DBT: variants seen among roughly 807,000 people sequenced by gnomAD.
DBT encodes the protein dihydrolipoamide branched chain transacylase E2, also known as lipoamide acyltransferase component of branched-chain alpha-keto acid dehydrogenase complex, mitochondrial.
Under a neutral mutation model 51.3 loss-of-function variants are expected in DBT, and 40 were observed. The observed-to-expected ratio is 0.78, with a 90% CI of 0.61 to 1.02. The LOEUF (loss-of-function observed/expected upper bound fraction) is 1.02. DBT is among the 50% of genes least tolerant of loss of function. The probability of loss-of-function intolerance (pLI) is 0.00; values close to 1 mark genes in which losing one functional copy is unlikely to be tolerated. For synonymous variants in DBT, 181 were observed against 190.4 expected, an observed-to-expected ratio of 0.95 and a Z score of 0.41; for missense variants, 510 against 580.2, an observed-to-expected ratio of 0.88 and a Z score of 1.24.
chr1:100,202,710 G>A (rs1661528295), intron 10 of DBT, among the ~76,000 whole-genome samples: 2 of 152,016 alleles, frequency 1.3e-5, no homozygotes, highest in Non-Finnish European at 2.9e-5. Flanking sequence ...GCAAAAGAAT[G>A]GAAACAATAA....
At chr1:100,210,665 TAAG>T (rs1662081345) in intron 8 of DBT, 26 bp downstream of exon 8, 1 of 1,612,506 alleles carries the variant, frequency 6.2e-7, no homozygotes, top group Non-Finnish European at 8.5e-7. Flanking sequence ...CTATTAATAA[TAAG>T]AACATTTTTA....
intron 10 of DBT, among the ~76,000 whole-genome samples, chr1:100,200,293 A>G (rs529842369): frequency 6.6e-6 from 1 of 151,334 alleles, no homozygotes. Context: ...GCCACAGGGA[A>G]GTTCGAACTG....
At chr1:100,197,011 AT>A in intron 10 of DBT, 1 of 212,016 alleles carries the variant, frequency 4.7e-6, no homozygotes, top group South Asian at 8.9e-5. Flanking sequence ...TTAGCTCCTG[AT>A]TACAATGCTT....
intron 7 of DBT, among the ~76,000 whole-genome samples, chr1:100,211,487 C>G (rs915608533): frequency 6.6e-6 from 1 of 152,096 alleles, no homozygotes. Context: ...TAAAAGATAG[C>G]AAAATAAAAA....
chr1:100,208,021 C>G lies in DBT; in HGVS notation c.1018-1385G>C, dbSNP rs116018698. On this transcript the variant is annotated intron_variant, in intron 8 of 10. Coordinates refer to ENST00000370132, the MANE Select transcript of DBT (RefSeq NM_001918.5). ...GTAGTGGCAGCCTCCTGCAGTACCA[C>G]CTACTCAGGAGGCTGAAGCAGGAGA... Among the ~76,000 whole-genome samples the G allele has an allele frequency of 9.3e-3, 1,417 of 152,040 alleles. 24 individuals are homozygous for G. The highest frequency in any genetic ancestry group is 0.033 in the African/African-American group (1,365 of 41,476).
chr1:100,194,303 G>A lies in DBT; in HGVS notation c.*1952C>T, dbSNP rs559241547. On this transcript the variant is annotated 3_prime_UTR_variant, in exon 11 of 11. Coordinates refer to ENST00000370132, the MANE Select transcript of DBT (RefSeq NM_001918.5). ...TTGTCTCAGCTTCCTGAGTAGCTGG[G>A]ACTATAGGTGCACACCACCACACTT... The A allele has an allele frequency of 2.0e-5, 3 of 151,396 alleles. No individual in the cohort carries two copies. In the East Asian group the frequency reaches 5.8e-4, roughly 29 times the overall value. The allele number at this position is 151,396 out of a possible 1,614,324, so 9.4% of individuals were successfully genotyped here. A position where few individuals can be genotyped will look rare whatever the true frequency, so the allele number is the denominator to read the frequency against.
chr1:100,203,474 A>C (rs964058923), intron 10 of DBT, among the ~76,000 whole-genome samples: 2 of 152,206 alleles, frequency 1.3e-5, no homozygotes, highest in Non-Finnish European at 2.9e-5. Flanking sequence ...TACCAACCAA[A>C]CAAAGCCCAG....
At position 100,230,829 on chromosome 1, in the gene DBT, G is replaced by T; in HGVS notation, c.337C>A (p.Arg113Ser). ...SDKASVTITS[R>S]YDGVIKKLYY... ...AGTTTTTTAATGACTCCATCATAAC[G>T]ACTAGTGATGGTAACAGAAGCTTTA... The change falls in exon 4 of 11, where the codon CGT (arginine) becomes AGT (serine). Residue 113 changes from arginine to serine, a missense_variant. Coordinates refer to ENST00000370132, the MANE Select transcript of DBT (RefSeq NM_001918.5). The T allele has an allele frequency of 6.3e-7, 1 of 1,596,946 alleles. No homozygotes were observed. The highest frequency in any genetic ancestry group is 8.6e-7 in the Non-Finnish European group (1 of 1,164,648).
chr1:100,226,189 T>C (rs948018869), intron 4 of DBT, among the ~76,000 whole-genome samples: 1 of 152,134 alleles, frequency 6.6e-6, no homozygotes, highest in African/African-American at 2.4e-5. Flanking sequence ...CTCTTTCCTT[T>C]CTAAATCTGA....
Position 100,194,932 on chromosome 1 carries a change from C to T in DBT, c.*1323G>A, listed in dbSNP as rs908582625. 1.3e-5 allele frequency: 2 copies of T among 152,054 alleles called. No individual in the cohort carries two copies. The highest frequency in any genetic ancestry group is 1.9e-4 in the East Asian group (1 of 5,190). The allele number at this position is 152,054 out of a possible 1,614,324, so 9.4% of individuals were successfully genotyped here. On this transcript the variant is annotated 3_prime_UTR_variant, in exon 11 of 11. Coordinates refer to ENST00000370132, the MANE Select transcript of DBT (RefSeq NM_001918.5). Reference sequence around the variant, plus strand: ...CAATATTAGAAACAACATGGATTTCCGAATGCAAATTGAAATGTTGGATAC... The same window carrying T: ...CAATATTAGAAACAACATGGATTTCTGAATGCAAATTGAAATGTTGGATAC...
chr1:100,242,043 A>G (rs1052532807), intron 1 of DBT, among the ~76,000 whole-genome samples: 5 of 152,146 alleles, frequency 3.3e-5, no homozygotes, highest in African/African-American at 9.7e-5. Context: ...TTTCAATGCT[A>G]TTAATACTTA....
intron 8 of DBT, 146 bp downstream of exon 8, chr1:100,210,548 G>T: frequency 9.2e-7 from 1 of 1,086,022 alleles, no homozygotes. Context: ...CAATGAATTA[G>T]ACTTAAGTTT....
chr1:100,200,141 A>G (rs1440289068), intron 10 of DBT, among the ~76,000 whole-genome samples: 1 of 152,170 alleles, frequency 6.6e-6, no homozygotes, highest in Non-Finnish European at 1.5e-5. Context: ...GAGCCCAGCA[A>G]GCTAAGATCC....
chr1:100,203,409 G>A (rs1303388743), intron 10 of DBT, among the ~76,000 whole-genome samples: 3 of 152,142 alleles, frequency 2.0e-5, no homozygotes, highest in African/African-American at 2.4e-5. Flanking sequence ...GGAAAAAGTC[G>A]ACTCCCTGAA....
intron 4 of DBT, among the ~76,000 whole-genome samples, chr1:100,219,598 A>G (rs975420796): frequency 4.6e-5 from 7 of 152,014 alleles, no homozygotes; most frequent in African/African-American, 1.4e-4. Context: ...AATTTTAAAA[A>G]TTAGCTAGGT....
intron 1 of DBT, among the ~76,000 whole-genome samples, chr1:100,244,710 C>T (rs1664437557): frequency 6.6e-6 from 1 of 151,892 alleles, no homozygotes; most frequent in Admixed American, 6.6e-5. Context: ...CACAGTAAGA[C>T]AGTAATAATA....
intron 3 of DBT, among the ~76,000 whole-genome samples, chr1:100,231,976 A>G (rs943388362): frequency 6.6e-6 from 1 of 152,196 alleles, no homozygotes; most frequent in Non-Finnish European, 1.5e-5. Flanking sequence ...CCCCGGAGAA[A>G]CTGGCACTAC....
chr1:100,202,382 C>T (rs1434434995), intron 10 of DBT, among the ~76,000 whole-genome samples: 1 of 152,144 alleles, frequency 6.6e-6, no homozygotes, highest in Non-Finnish European at 1.5e-5. Context: ...TATATGCACC[C>T]AATACAGGAG....
At chr1:100,197,512 G>A (rs538045297) in intron 10 of DBT, among the ~76,000 whole-genome samples, 1 of 152,300 alleles carries the variant, frequency 6.6e-6, no homozygotes, top group African/African-American at 2.4e-5. Context: ...TCAAAAGTGA[G>A]GTCCAGTCTA....
Sources: gnomAD v4.1 joint callset for allele counts (sites outside exome capture counted in the v4.1 genomes callset) on GRCh38, gnomAD v4.1.1 for gene constraint, MANE v1.5 for transcripts, NCBI Gene and HGNC (gene_info 2026-07-23, HGNC 2026-07-21) for gene names.